Variants in GLB1 observed in about 807,000 individuals in gnomAD.
The protein encoded by GLB1 is galactosidase beta 1, also known as beta-galactosidase.
Under a neutral mutation model 74.0 loss-of-function variants are expected in GLB1, and 56 were observed. That is an observed-to-expected ratio of 0.76 (90% CI 0.61 to 0.94). The LOEUF is 0.94. GLB1 is among the 40% of genes least tolerant of loss of function. The pLI, the probability that GLB1 is intolerant of heterozygous loss-of-function variation, is 0.00. For synonymous variants in GLB1, 323 were observed against 323.6 expected, an observed-to-expected ratio of 1.00 and a Z score of 0.02; for missense variants, 787 against 845.5, an observed-to-expected ratio of 0.93 and a Z score of 0.86.
At chr3:33,033,065 T>A (rs1698120053) in intron 10 of GLB1, among the ~76,000 whole-genome samples, 1 of 152,344 alleles carries the variant, frequency 6.6e-6, no homozygotes, top group East Asian at 1.9e-4. Flanking sequence ...ACTGATATGA[T>A]TCCTGGTTAC....
Position 33,072,662 on chromosome 3 carries a change from T to C in GLB1, c.127A>G (p.Lys43Glu). ...EIDYSRDSFL[K>E]DGQPFRYISG... ...ATGTAGCGAAATGGCTGGCCATCCT[T>C]GAGGAAGGAGTCCCGGCTATAGTCA... is the stretch of plus-strand genomic sequence containing the variant. Residue 43 changes from lysine to glutamate, a missense_variant, in exon 2 of 16, where the codon AAG (lysine) becomes GAG (glutamate). Lys to Glu is a moderately conservative substitution (Grantham distance 56). Coordinates refer to ENST00000307363, the MANE Select transcript of GLB1 (RefSeq NM_000404.4). 6.2e-7 allele frequency: 1 copy of C among 1,614,104 alleles called. No homozygotes were observed. The highest frequency in any genetic ancestry group is 8.5e-7 in the Non-Finnish European group (1 of 1,180,018).
chr3:33,032,798 T>C (rs959357950), intron 10 of GLB1, among the ~76,000 whole-genome samples: 2 of 152,238 alleles, frequency 1.3e-5, no homozygotes, highest in Non-Finnish European at 2.9e-5. Flanking sequence ...TAGGCTACCA[T>C]GGCAGCTGCA....
intron 11 of GLB1, among the ~76,000 whole-genome samples, chr3:33,022,748 C>T (rs535869258): frequency 3.0e-4 from 45 of 151,402 alleles, no homozygotes; most frequent in Non-Finnish European, 5.6e-4. Context: ...TTAGTAGAGA[C>T]GGGGTTTCAC....
intron 10 of GLB1, among the ~76,000 whole-genome samples, chr3:33,043,215 C>A (rs569439343): frequency 6.6e-6 from 1 of 152,196 alleles, no homozygotes; most frequent in African/African-American, 2.4e-5. Context: ...GAACTTGCTG[C>A]CTAAAAACGA....
At chr3:33,091,928 T>C (rs1031466801) in intron 1 of GLB1, 19 of 985,220 alleles carry the variant, frequency 1.9e-5, no homozygotes, top group Middle Eastern at 5.2e-4. Context: ...CCGCTTTTAC[T>C]GGGAGGTACA....
At chr3:33,068,095 C>T in intron 4 of GLB1, 135 bp downstream of exon 4, 1 of 1,293,824 alleles carries the variant, frequency 7.7e-7, no homozygotes, top group Non-Finnish European at 1.1e-6. Flanking sequence ...CCATTTTGGC[C>T]AGCCTGGTCT....
chr3:33,052,495 C>T (rs113266942), intron 7 of GLB1, among the ~76,000 whole-genome samples: 2 of 152,048 alleles, frequency 1.3e-5, no homozygotes, highest in Admixed American at 6.6e-5. Context: ...AGCTGGGCAT[C>T]GTGGTGCGCC....
Position 33,032,448 on chromosome 3 carries a change from G to A in GLB1, c.1069-8123C>T, listed in dbSNP as rs527246482. On this transcript the variant is annotated intron_variant, in intron 10 of 15. Transcript: ENST00000307363. ...TCTGCAATCCTCTATCTCAGGTGCC[G>A]ATCCCAGTACCCACCTAGTTATCTA... is the stretch of plus-strand genomic sequence containing the variant. Among the ~76,000 whole-genome samples, 12 of 152,188 alleles carry A rather than the reference G, an allele frequency of 7.9e-5. No individual in the cohort carries two copies. The South Asian group carries it at 2.1e-3, about 26-fold the overall frequency.
intron 10 of GLB1, among the ~76,000 whole-genome samples, chr3:33,042,363 TCTC>T (rs1202275020): frequency 8.8e-6 from 1 of 113,496 alleles, no homozygotes; most frequent in East Asian, 2.2e-4. Context: ...TGACCCCTCA[TCTC>T]CTCCTTTTTT....
chr3:32,986,247 T>C, the GLB1 span, among the ~76,000 whole-genome samples: 1 of 152,162 alleles, frequency 6.6e-6, no homozygotes, highest in South Asian at 2.1e-4. Context: ...AAATTTCCTT[T>C]ATGGATTGGG....
intron 10 of GLB1, among the ~76,000 whole-genome samples, chr3:33,036,415 T>C (rs1046011801): frequency 3.9e-5 from 6 of 152,208 alleles, no homozygotes; most frequent in Non-Finnish European, 7.3e-5. Flanking sequence ...TATGTAAATA[T>C]GTGTTTTAAA....
intron 6 of GLB1, among the ~76,000 whole-genome samples, chr3:33,055,610 G>A (rs566874375): frequency 6.6e-6 from 1 of 151,488 alleles, no homozygotes; most frequent in Non-Finnish European, 1.5e-5. Context: ...ACAAAAGTGC[G>A]CCACCACGAT....
chr3:33,086,973 AAGAT>A (rs1700526086), intron 1 of GLB1, among the ~76,000 whole-genome samples: 1 of 152,000 alleles, frequency 6.6e-6, no homozygotes, highest in African/African-American at 2.4e-5. Flanking sequence ...AGAGAATAGA[AAGAT>A]AGTAGGAAAA....
At chr3:33,092,262 G>A (rs1700795777) in intron 1 of GLB1, 2 of 985,742 alleles carry the variant, frequency 2.0e-6, no homozygotes, top group South Asian at 4.7e-5. Context: ...TTTTGCTGAT[G>A]CCCTCAATAG....
chr3:33,076,357 G>A (rs761099795), intron 1 of GLB1, among the ~76,000 whole-genome samples: 3 of 152,266 alleles, frequency 2.0e-5, no homozygotes, highest in Non-Finnish European at 4.4e-5. Flanking sequence ...GCCAGGGCCA[G>A]ATCGAATGAG....
intron 2 of GLB1, 149 bp downstream of exon 2, chr3:33,072,395 C>G: frequency 8.2e-7 from 1 of 1,226,782 alleles, no homozygotes; most frequent in Non-Finnish European, 1.1e-6. Context: ...AAGGGCCAGT[C>G]CGGCTCATGA....
At chr3:32,992,523 C>A (rs1696243728), downstream of GLB1, among the ~76,000 whole-genome samples, 1 of 152,132 alleles carries the variant, frequency 6.6e-6, no homozygotes, top group African/African-American at 2.4e-5. Context: ...TTTATGATGA[C>A]CTCATTTAAT....
chr3:33,051,531 G>A (rs1375919611), intron 9 of GLB1, among the ~76,000 whole-genome samples: 2 of 150,240 alleles, frequency 1.3e-5, no homozygotes, highest in Admixed American at 6.6e-5. Flanking sequence ...CTTGAACCTG[G>A]GAGGTGGAGG....
chr3:33,015,643 C>T (rs1037669492), intron 14 of GLB1, among the ~76,000 whole-genome samples: 3 of 152,250 alleles, frequency 2.0e-5, no homozygotes, highest in Admixed American at 6.5e-5. Flanking sequence ...AGTCGAGTCA[C>T]TCCCATGGGT....
Sources: allele counts gnomAD v4.1 joint callset (sites outside exome capture counted in the v4.1 genomes callset), GRCh38; gene constraint gnomAD v4.1.1; transcripts MANE v1.5; gene names NCBI Gene and HGNC (gene_info 2026-07-23, HGNC 2026-07-21).